BTK: variants seen among roughly 807,000 people sequenced by gnomAD.
BTK encodes Bruton tyrosine kinase, also known as tyrosine-protein kinase BTK.
A neutral mutation model predicts 57.4 loss-of-function variants in BTK; 5 were observed. The ratio of observed to expected loss-of-function variants is 0.09; its 90% CI spans 0.05 to 0.18. The LOEUF is 0.18. Among genes scored for constraint, BTK ranks in the 10% least tolerant of loss-of-function variants. BTK has a pLI of 1.00. For synonymous variants in BTK, 154 were observed against 174.3 expected, an observed-to-expected ratio of 0.88 and a Z score of 0.92; for missense variants, 194 against 501.2, an observed-to-expected ratio of 0.39 and a Z score of 5.85.
chrX:101,369,952 C>T, intron 5 of BTK, 46 bp downstream of exon 5: 1 of 1,111,551 alleles, frequency 9.0e-7, no homozygotes, highest in Non-Finnish European at 1.2e-6. Context: ...CTCTTCCTTC[C>T]TTTCCTTCTT....
intron 1 of BTK, among the ~76,000 whole-genome samples, chrX:101,385,154 A>C (rs1284113851): frequency 1.8e-5 from 2 of 111,769 alleles, no homozygotes; most frequent in Non-Finnish European, 3.8e-5. Flanking sequence ...AGCAAGAAAA[A>C]GTCAATGCAA....
chrX:101,374,655 G>C (rs1927148956), intron 2 of BTK, 21 bp from the exon 3 acceptor site: 2 of 1,129,012 alleles, frequency 1.8e-6, no homozygotes. Context: ...GAATGAGGAA[G>C]AAAATGGAGA....
chrX:101,360,782 G>A (rs782487064), intron 7 of BTK, 27 bp from the exon 8 acceptor site: 2 of 1,193,029 alleles, frequency 1.7e-6, no homozygotes, highest in Non-Finnish European at 2.3e-6. Flanking sequence ...AAAGGTAGGA[G>A]GGTTTGTCAA....
At chrX:101,366,571 C>T (rs1926855977) in intron 5 of BTK, among the ~76,000 whole-genome samples, 1 of 111,699 alleles carries the variant, frequency 9.0e-6, no homozygotes, top group African/African-American at 3.3e-5. Context: ...TTTGTGGCTC[C>T]TAGGCTAACT....
At chrX:101,364,180 G>A (rs1413461854) in intron 5 of BTK, among the ~76,000 whole-genome samples, 4 of 108,918 alleles carry the variant, frequency 3.7e-5, no homozygotes, top group Non-Finnish European at 7.6e-5. Flanking sequence ...AGGCAGAGGC[G>A]GGTAGATCAC....
rs781841095 is a variant in BTK at position 101,370,086 on chromosome X, C to T, written c.310-7G>A. 3.4e-6 allele frequency: 4 copies of T among 1,192,611 alleles called. No individual in the cohort carries two copies. The highest frequency in any genetic ancestry group is 4.4e-5 in the Admixed American group (2 of 45,871). The stretch of plus-strand genomic sequence containing the variant: ...GCCCTTCATCATATACAACCTGGGT[C>T]GATGAAAACACAGACTTCAGCAGTT... On this transcript the variant is annotated splice_region_variant and splice_polypyrimidine_tract_variant and intron_variant, in intron 4 of 18. Transcript: ENST00000308731.
In BTK at chrX:101,380,886, C is replaced by CTGTAA. The variant is rs1555981659; in HGVS notation, c.-31+5175_-31+5176insTTACA. On this transcript the variant is annotated intron_variant, in intron 1 of 18. Coordinates refer to ENST00000308731, the MANE Select transcript of BTK (RefSeq NM_000061.3). The stretch of plus-strand genomic sequence containing the variant: ...AAAAACTAGCTGGGCCAACGCTACT[C>CTGTAA]TCCCAGCTACTCAGGAGGCTGAGGC... Among the ~76,000 whole-genome samples, 573 of 105,561 alleles carry CTGTAA rather than the reference C, an allele frequency of 5.4e-3. 9 individuals are homozygous for CTGTAA. Among genetic ancestry groups the CTGTAA allele is most frequent in the African/African-American group, 0.02 (554 of 27,930 alleles). 91.7% of individuals were successfully genotyped at this position (105,561 alleles called of 115,157 possible).
At chrX:101,352,956 C>T in intron 18 of BTK, 2 of 359,024 alleles carry the variant, frequency 5.6e-6, no homozygotes, top group Non-Finnish European at 9.6e-6. Context: ...ATCCCAGCTA[C>T]TTGGGAGGCT....
chrX:101,379,180 T>TA (rs56368552), intron 1 of BTK, among the ~76,000 whole-genome samples: 9,161 of 87,554 alleles, frequency 0.1, 395 homozygotes, highest in African/African-American at 0.16. Context: ...AAAATAAAAA[T>TA]AAAAAAAAAA....
At chrX:101,363,034 C>T (rs1001903175) in intron 5 of BTK, among the ~76,000 whole-genome samples, 8 of 112,345 alleles carry the variant, frequency 7.1e-5, no homozygotes, top group African/African-American at 2.6e-4. Context: ...AAGTGTTTCC[C>T]AGATAAGGGA....
chrX:101,357,080 CT>C, intron 13 of BTK, 125 bp from the exon 14 acceptor site: 1 of 737,616 alleles, frequency 1.4e-6, no homozygotes, highest in South Asian at 2.4e-5. Flanking sequence ...AAGTACTAAT[CT>C]GTCTTTGCTT....
chrX:101,360,607 TC>T lies in BTK; in HGVS notation c.736del (p.Glu246LysfsTer31). On this transcript the variant is annotated frameshift_variant, in exon 8 of 19. Coordinates refer to ENST00000308731, the MANE Select transcript of BTK (RefSeq NM_000061.3). LOFTEE classifies it high-confidence loss of function. The part of the protein sequence containing the change: ...RKGDEYFILE[E>X]SNLPWWRARD... ...TGCTCTCCACCATGGTAAGTTGCTT[TC>T]CTCCAAGATAAAATATTCATCACCC... 1 of 1,211,702 alleles carries T rather than the reference TC, an allele frequency of 8.3e-7. No individual in the cohort carries two copies. The highest frequency in any genetic ancestry group is 1.1e-6 in the Non-Finnish European group (1 of 895,530).
intron 5 of BTK, 185 bp from the exon 6 acceptor site, chrX:101,362,874 C>T: frequency 1.8e-6 from 1 of 544,957 alleles, no homozygotes; most frequent in Non-Finnish European, 3.1e-6. Context: ...GCCCTGGTCC[C>T]AGACAGTTCC....
Position 101,363,709 on chromosome X carries a change from A to C in BTK, c.392-1020T>G, listed in dbSNP as rs1175203814. On this transcript the variant is annotated intron_variant, in intron 5 of 18. Transcript: ENST00000308731. Reference sequence around the variant, plus strand: ...TGACAGTGTGAGACTCTGTCTCAACAAAAAAAAAAAAAAAGAAAAGTCATC... The same window carrying C: ...TGACAGTGTGAGACTCTGTCTCAACCAAAAAAAAAAAAAAGAAAAGTCATC... Among the ~76,000 whole-genome samples, 393 of 100,708 alleles carry C rather than the reference A, an allele frequency of 3.9e-3. 1 individual carries two copies. The highest frequency in any genetic ancestry group is 5.2e-3 in the Non-Finnish European group (255 of 49,189). 87.5% of individuals were successfully genotyped at this position (100,708 alleles called of 115,157 possible). A position where few individuals can be genotyped will look rare whatever the true frequency, so the allele number is the denominator to read the frequency against.
chrX:101,385,914 G>C (rs1235974255), intron 1 of BTK, 148 bp downstream of exon 1: 1 of 111,232 alleles, frequency 9.0e-6, no homozygotes, highest in Non-Finnish European at 1.9e-5. Flanking sequence ...GGACTGCCAG[G>C]GCCTTGTGCT....
rs781946466 is a variant in BTK, at chrX:101,356,045, G to A, written c.1566+7C>T. ...TTTGTCCTAGGCCAATCCTTCTAAG[G>A]TCCCACCAGGTCTCGGTGAAGGAAC... On this transcript the variant is annotated splice_region_variant and intron_variant, in intron 15 of 18. Coordinates refer to ENST00000308731, the MANE Select transcript of BTK (RefSeq NM_000061.3). The A allele has an allele frequency of 8.3e-7, 1 of 1,207,342 alleles. No individual in the cohort carries two copies. The highest frequency in any genetic ancestry group is 2.2e-5 in the Admixed American group (1 of 45,826).
intron 16 of BTK, 79 bp from the exon 17 acceptor site, chrX:101,354,067 AGTGTCAC>A: frequency 1.4e-6 from 1 of 724,627 alleles, no homozygotes; most frequent in Non-Finnish European, 2.2e-6. Flanking sequence ...CGGTCACAAG[AGTGTCAC>A]AAACACACAC....
chrX:101,382,806 T>G (rs1333835183), intron 1 of BTK, among the ~76,000 whole-genome samples: 2 of 111,348 alleles, frequency 1.8e-5, no homozygotes, highest in African/African-American at 6.5e-5. Context: ...TTTGGCCTTC[T>G]TTTTCAACCT....
chrX:101,358,190 G>T, intron 12 of BTK, 120 bp downstream of exon 12: 1 of 1,063,893 alleles, frequency 9.4e-7, no homozygotes, highest in Non-Finnish European at 1.3e-6. Context: ...GTATCACAGG[G>T]ATTTCCTTTC....
Sources: gnomAD v4.1 joint callset for allele counts (sites outside exome capture counted in the v4.1 genomes callset) on GRCh38, gnomAD v4.1.1 for gene constraint, MANE v1.5 for transcripts, NCBI Gene and HGNC (gene_info 2026-07-23, HGNC 2026-07-21) for gene names.